Variants in ACOX2 observed in about 807,000 individuals in gnomAD.
ACOX2 encodes peroxisomal acyl-coenzyme A oxidase 2.
Under a neutral mutation model 77.5 loss-of-function variants are expected in ACOX2, and 59 were observed. The ratio of observed to expected loss-of-function variants is 0.76; its 90% CI spans 0.62 to 0.95. ACOX2 has a LOEUF of 0.95. ACOX2 is among the 40% of genes least tolerant of loss of function. ACOX2 has a pLI of 0.00. For synonymous variants in ACOX2, 317 were observed against 340.1 expected (o/e 0.93, Z 0.75); for missense variants, 837 against 880.4 (o/e 0.95, Z 0.62).
At chr3:58,511,318 G>A in intron 13 of ACOX2, 2 of 355,964 alleles carry the variant, frequency 5.6e-6, no homozygotes, top group South Asian at 2.3e-5. Flanking sequence ...AAATGGGCAA[G>A]TTCATGAAAA....
chr3:58,513,067 A>G (rs1427816625), intron 13 of ACOX2, among the ~76,000 whole-genome samples: 1 of 152,080 alleles, frequency 6.6e-6, no homozygotes, highest in Non-Finnish European at 1.5e-5. Context: ...CTTTCCTTAA[A>G]TGTCACCCTC....
chr3:58,510,263 A>G (rs1261221198), intron 13 of ACOX2, among the ~76,000 whole-genome samples: 2 of 152,008 alleles, frequency 1.3e-5, no homozygotes, highest in Non-Finnish European at 2.9e-5. Flanking sequence ...CGCCAATTTA[A>G]TGTCCCCCTG....
rs141585104 is a variant in ACOX2 at position 58,517,363 on chromosome 3, C to G, written c.1693G>C (p.Glu565Gln). The G allele has an allele frequency of 2.2e-4, 349 of 1,614,144 alleles. No homozygotes were observed. The highest frequency in any genetic ancestry group is 2.7e-4 in the Non-Finnish European group (318 of 1,180,030). Residue 565 changes from glutamate to glutamine, a missense_variant, in exon 13 of 15, where the codon GAA becomes CAA. Coordinates refer to ENST00000302819, the MANE Select transcript of ACOX2 (RefSeq NM_003500.4). ...FTEALEKLEN[E>Q]PAIQQVLKRL... ...TTGAGCACCTGCTGAATCGCTGGTT[C>G]ATTTTCTAGTTTCTCCAGAGCTTCT...
rs1227681501 is a variant in ACOX2 at position 58,525,752 on chromosome 3, G to A, written c.1346+714C>T. Among the ~76,000 whole-genome samples, 2 of 152,216 alleles carry A rather than the reference G, an allele frequency of 1.3e-5. No individual in the cohort carries two copies. Among genetic ancestry groups the A allele is most frequent in the African/African-American group, 2.4e-5 (1 of 41,442 alleles). On this transcript the variant is annotated intron_variant, in intron 10 of 14. Transcript: ENST00000302819. The surrounding 1 kb of genome is among the most constrained non-coding windows in gnomAD (Gnocchi z 5.0). The stretch of plus-strand genomic sequence containing the variant: ...AAGTGAGCAGAGGTGGCTGGGTGCG[G>A]TGGCTTGTGCCTGTAATCCCAGCAC...
At chr3:58,530,217 T>C (rs2063427029) in intron 8 of ACOX2, among the ~76,000 whole-genome samples, 1 of 152,176 alleles carries the variant, frequency 6.6e-6, no homozygotes, top group African/African-American at 2.4e-5. Context: ...TAGAGCCCGA[T>C]GGGGGCCAGG....
chr3:58,516,523 C>G (rs773688532), intron 13 of ACOX2, among the ~76,000 whole-genome samples: 6 of 152,180 alleles, frequency 3.9e-5, no homozygotes, highest in Non-Finnish European at 7.3e-5. Flanking sequence ...GGCACAGGGC[C>G]TGTCACATAA....
rs1214514472 is a variant in ACOX2, at chr3:58,505,396, C to G, written c.1984-110G>C. The G allele has an allele frequency of 1.1e-6, 1 of 874,870 alleles. No individual in the cohort carries two copies. The highest frequency in any genetic ancestry group is 1.7e-6 in the Non-Finnish European group (1 of 588,876). The allele number at this position is 874,870 out of a possible 1,614,324, so 54.2% of individuals were successfully genotyped here. A position where few individuals can be genotyped will look rare whatever the true frequency, so the allele number is the denominator to read the frequency against. ...TCAAAAAGTAACATTACGTAAGATTCTTAATTTTAAAAATTATTTCTAAGA... is the reference window on the plus strand; with the variant it reads ...TCAAAAAGTAACATTACGTAAGATTGTTAATTTTAAAAATTATTTCTAAGA... On this transcript the variant is annotated intron_variant, in intron 14 of 14. Coordinates refer to ENST00000302819, the MANE Select transcript of ACOX2 (RefSeq NM_003500.4). This position sits in a 1 kb window ranked among gnomAD's most constrained non-coding sequence, Gnocchi z 4.4.
chr3:58,522,819 A>C lies in ACOX2; in HGVS notation c.1527-218T>G. On this transcript the variant is annotated intron_variant, in intron 11 of 14. Coordinates refer to ENST00000302819, the MANE Select transcript of ACOX2 (RefSeq NM_003500.4). The surrounding 1 kb of genome is among the most constrained non-coding windows in gnomAD (Gnocchi z 4.3). ...AAACTGAGTCCCAGAGAGGTTAACC[A>C]ATTTGTCCAGGGTCACACAGCTAGT... 2.0e-6 allele frequency: 1 copy of C among 507,276 alleles called. No homozygotes were observed. Among genetic ancestry groups the C allele is most frequent in the Non-Finnish European group, 3.6e-6 (1 of 279,692 alleles). 31.4% of individuals were successfully genotyped at this position (507,276 alleles called of 1,614,324 possible).
intron 13 of ACOX2, 64 bp downstream of exon 13, chr3:58,517,142 C>A (rs2063326456): frequency 7.0e-6 from 11 of 1,567,768 alleles, no homozygotes; most frequent in African/African-American, 1.4e-5. Context: ...TTGGAAGTGA[C>A]CTGTGAACAA....
intron 13 of ACOX2, among the ~76,000 whole-genome samples, chr3:58,516,238 G>A (rs1005884072): frequency 6.6e-6 from 1 of 152,142 alleles, no homozygotes; most frequent in Non-Finnish European, 1.5e-5. Flanking sequence ...ATTAAGGTAA[G>A]TTTACTAAAC....
At chr3:58,510,691 T>A (rs1472903467) in intron 13 of ACOX2, among the ~76,000 whole-genome samples, 12 of 18,884 alleles carry the variant, frequency 6.4e-4, no homozygotes, top group Non-Finnish European at 8.6e-4. Flanking sequence ...TATATATATA[T>A]ATATATATAT....
chr3:58,517,464 T>G (rs773159577), intron 12 of ACOX2, 41 bp from the exon 13 acceptor site: 2 of 1,588,776 alleles, frequency 1.3e-6, no homozygotes, highest in East Asian at 4.5e-5. Context: ...TTTCTGGTTT[T>G]CTACTCCAGA....
chr3:58,506,937 TA>T (rs1240911632), intron 14 of ACOX2, among the ~76,000 whole-genome samples: 2 of 152,182 alleles, frequency 1.3e-5, no homozygotes, highest in Non-Finnish European at 2.9e-5. Context: ...CACAGCACAT[TA>T]AAAAATACAC....
chr3:58,513,849 A>G (rs891529411), intron 13 of ACOX2, among the ~76,000 whole-genome samples: 1 of 152,112 alleles, frequency 6.6e-6, no homozygotes, highest in Non-Finnish European at 1.5e-5. Flanking sequence ...TATGGAGTGA[A>G]TTGGGTGGAC....
In ACOX2 at chr3:58,523,490, T is replaced by C. The variant is rs551530454; in HGVS notation, c.1527-889A>G. On this transcript the variant is annotated intron_variant, in intron 11 of 14. Coordinates refer to ENST00000302819, the MANE Select transcript of ACOX2 (RefSeq NM_003500.4). This position sits in a 1 kb window ranked among gnomAD's most constrained non-coding sequence, Gnocchi z 5.3. ...ATAAATGAATGTTCCAAGTTGCTTG[T>C]GATCTTGAAATAACTATTAACCATC... 6.6e-6 allele frequency among the ~76,000 whole-genome samples: 1 copy of C among 152,368 alleles called. No homozygotes were observed. The highest frequency in any genetic ancestry group is 2.1e-4 in the South Asian group (1 of 4,828).
At position 58,531,879 on chromosome 3, in the gene ACOX2, G is replaced by A; in HGVS notation, c.584-67C>T. ...TGCATTGCTTTTCCCAACCAACCCA[G>A]CCTCCTGGGGCTGGGGTTTTGGATG... On this transcript the variant is annotated intron_variant, in intron 5 of 14. Transcript: ENST00000302819. This position sits in a 1 kb window ranked among gnomAD's most constrained non-coding sequence, Gnocchi z 5.8. 1 of 1,521,436 alleles carries A rather than the reference G, an allele frequency of 6.6e-7. No homozygotes were observed. The highest frequency in any genetic ancestry group is 8.8e-7 in the Non-Finnish European group (1 of 1,137,272). 94.2% of individuals were successfully genotyped at this position (1,521,436 alleles called of 1,614,324 possible). A position where few individuals can be genotyped will look rare whatever the true frequency, so the allele number is the denominator to read the frequency against.
chr3:58,533,300 G>C lies in ACOX2; in HGVS notation c.583+145C>G. On this transcript the variant is annotated intron_variant, in intron 5 of 14. Coordinates refer to ENST00000302819, the MANE Select transcript of ACOX2 (RefSeq NM_003500.4). This position sits in a 1 kb window ranked among gnomAD's most constrained non-coding sequence, Gnocchi z 5.6. ...TACAGAGTAAGAACCTGAGGCTCAG[G>C]TTGGTGAACTGACTTGCCCAAGGTC... 4.3e-6 allele frequency: 3 copies of C among 692,968 alleles called. No individual in the cohort carries two copies. The highest frequency in any genetic ancestry group is 7.6e-6 in the Non-Finnish European group (3 of 395,846). The allele number at this position is 692,968 out of a possible 1,614,324, so 42.9% of individuals were successfully genotyped here. A position where few individuals can be genotyped will look rare whatever the true frequency, so the allele number is the denominator to read the frequency against.
In ACOX2 at chr3:58,509,015, T is replaced by C; in HGVS notation, c.1861A>G (p.Ile621Val). The C allele has an allele frequency of 1.9e-6, 3 of 1,614,154 alleles. No individual in the cohort carries two copies. The highest frequency in any genetic ancestry group is 2.5e-6 in the Non-Finnish European group (3 of 1,179,984). ...AAGTCAAAAGCATCAGTTAACAGGA[T>C]GGCATCCTTCCTGGGATAGGAAACA... ...DLLRLIRKDA[I>V]LLTDAFDFTD... Residue 621 changes from isoleucine (I) to valine (V), a missense_variant, in exon 14 of 15, where the codon ATC (isoleucine) becomes GTC (valine). Ile to Val is a conservative substitution (Grantham distance 29). Coordinates refer to ENST00000302819, the MANE Select transcript of ACOX2 (RefSeq NM_003500.4).
chr3:58,524,926 C>G lies in ACOX2; in HGVS notation c.1347-321G>C, dbSNP rs571795423. On this transcript the variant is annotated intron_variant, in intron 10 of 14. Coordinates refer to ENST00000302819, the MANE Select transcript of ACOX2 (RefSeq NM_003500.4). The surrounding 1 kb of genome is among the most constrained non-coding windows in gnomAD (Gnocchi z 5.5). Reference sequence around the variant, plus strand: ...ATTTTGGGATTTATAATGACTTGTACAGTGACTGGGTGGAAATTAAATTTT... The same window carrying G: ...ATTTTGGGATTTATAATGACTTGTAGAGTGACTGGGTGGAAATTAAATTTT... Among the ~76,000 whole-genome samples the G allele has an allele frequency of 5.0e-4, 76 of 152,312 alleles. No homozygotes were observed. Among genetic ancestry groups the G allele is most frequent in the African/African-American group, 1.8e-3 (74 of 41,562 alleles).
Sources: allele counts gnomAD v4.1 joint callset (sites outside exome capture counted in the v4.1 genomes callset), GRCh38; gene constraint gnomAD v4.1.1; non-coding constraint Gnocchi (gnomAD v3.1); transcripts MANE v1.5; gene names NCBI Gene and HGNC (gene_info 2026-07-23, HGNC 2026-07-21).